RBM26: variants seen among roughly 807,000 people sequenced by gnomAD.
RBM26 encodes RNA binding motif protein 26, also known as RNA-binding protein 26.
A neutral mutation model predicts 123.6 loss-of-function variants in RBM26; 30 were observed. The observed-to-expected ratio is 0.24, with a 90% confidence interval of 0.18 to 0.33. The LOEUF is 0.33. Among genes scored for constraint, RBM26 ranks in the 10% least tolerant of loss-of-function variants. The probability of loss-of-function intolerance (pLI) is 1.00; values close to 1 mark genes in which losing one functional copy is unlikely to be tolerated. For missense variants in RBM26, 947 were observed against 1,203.6 expected, an observed-to-expected ratio of 0.79 and a Z score of 3.15; for synonymous variants, 400 against 404.4, an observed-to-expected ratio of 0.99 and a Z score of 0.13.
chr13:79,364,508 G>T (rs942501729), intron 9 of RBM26, among the ~76,000 whole-genome samples: 2 of 152,172 alleles, frequency 1.3e-5, no homozygotes, highest in African/African-American at 4.8e-5. Context: ...AATTGAGGTG[G>T]TTAGGGAAAA....
chr13:79,402,634 A>T (rs2079147638), intron 1 of RBM26, among the ~76,000 whole-genome samples: 1 of 151,946 alleles, frequency 6.6e-6, no homozygotes, highest in Non-Finnish European at 1.5e-5. Flanking sequence ...TTCCTCCAAC[A>T]TATCTTTTTT....
At chr13:79,317,728 C>T (rs2067279048), downstream of RBM26, among the ~76,000 whole-genome samples, 1 of 151,698 alleles carries the variant, frequency 6.6e-6, no homozygotes, top group Admixed American at 6.6e-5. Context: ...TATGTGTATA[C>T]CTCCATCAGT....
At chr13:79,316,192 G>GGTGTGTGTGTGTGT (rs3064578), downstream of RBM26, among the ~76,000 whole-genome samples, 3,149 of 142,036 alleles carry the variant, frequency 0.022, 61 homozygotes, top group South Asian at 0.05. Flanking sequence ...AAGTGGGGCA[G>GGTGTGTGTGTGTGT]GTGTGTGTGT....
intron 11 of RBM26, among the ~76,000 whole-genome samples, chr13:79,355,981 C>T (rs577743307): frequency 1.9e-4 from 29 of 152,322 alleles, no homozygotes; most frequent in Middle Eastern, 3.4e-3. Context: ...AGACTTTTCA[C>T]TTCAAATTCC....
chr13:79,403,930 C>T (rs1013248891), intron 1 of RBM26, among the ~76,000 whole-genome samples: 4 of 152,132 alleles, frequency 2.6e-5, no homozygotes, highest in Non-Finnish European at 5.9e-5. Flanking sequence ...TCTCTTTTGC[C>T]ATACACTTGT....
chr13:79,337,827 C>T (rs2070704817), intron 18 of RBM26, among the ~76,000 whole-genome samples: 2 of 152,156 alleles, frequency 1.3e-5, no homozygotes, highest in African/African-American at 4.8e-5. Context: ...GATGATAGCA[C>T]ACCACTCCTT....
intron 1 of RBM26, among the ~76,000 whole-genome samples, chr13:79,393,563 C>A (rs189015172): frequency 6.6e-6 from 1 of 152,326 alleles, no homozygotes; most frequent in Admixed American, 6.5e-5. Flanking sequence ...ACATTCCCTA[C>A]TTGTAAGAGA....
chr13:79,403,036 C>G (rs1466301725), intron 1 of RBM26, among the ~76,000 whole-genome samples: 1 of 151,970 alleles, frequency 6.6e-6, no homozygotes, highest in Non-Finnish European at 1.5e-5. Flanking sequence ...TACCCTTGGT[C>G]CTCTGTATGT....
At chr13:79,334,464 A>G in intron 19 of RBM26, 34 bp from the exon 20 acceptor site, 3 of 1,153,830 alleles carry the variant, frequency 2.6e-6, no homozygotes, top group Non-Finnish European at 3.7e-6. Flanking sequence ...TCCTCCAAAT[A>G]AATATTTTGA....
chr13:79,382,942 T>G (rs2077176533), intron 1 of RBM26, among the ~76,000 whole-genome samples: 1 of 1,216 alleles, frequency 8.2e-4, no homozygotes, highest in Non-Finnish European at 2.4e-3. Context: ...AACTGAAATG[T>G]CAGAGAGAAC....
At chr13:79,382,166 G>A (rs967125726) in intron 1 of RBM26, among the ~76,000 whole-genome samples, 6 of 151,954 alleles carry the variant, frequency 3.9e-5, no homozygotes, top group African/African-American at 1.4e-4. Flanking sequence ...TTCTAGTGAT[G>A]ATGTTATGCA....
At chr13:79,401,951 A>G (rs999943192) in intron 1 of RBM26, among the ~76,000 whole-genome samples, 1 of 151,930 alleles carries the variant, frequency 6.6e-6, no homozygotes. Flanking sequence ...TCAGTACGTC[A>G]TTACATCCAC....
chr13:79,317,584 G>C (rs533621797), downstream of RBM26, among the ~76,000 whole-genome samples: 2 of 151,762 alleles, frequency 1.3e-5, no homozygotes, highest in Admixed American at 1.3e-4. Flanking sequence ...GGACTAGACT[G>C]GTGGCTCTTA....
chr13:79,348,794 TGAGAA>T lies in RBM26; in HGVS notation c.2059-4005_2059-4001del, dbSNP rs539980143. ...TCTGTATCAAACCTGAGAATTCTGG[TGAGAA>T]GAATGGGATTTTGGTTTAAAGTTAA... On this transcript the variant is annotated intron_variant, in intron 14 of 21. Coordinates refer to ENST00000438737, the MANE Select transcript of RBM26 (RefSeq NM_001366735.2). 2.6e-3 allele frequency among the ~76,000 whole-genome samples: 392 copies of T among 152,314 alleles called. 2 individuals are homozygous for T. Among genetic ancestry groups the T allele is most frequent in the African/African-American group, 8.5e-3 (354 of 41,582 alleles).
At chr13:79,353,311 T>C in intron 13 of RBM26, 87 bp from the exon 14 acceptor site, 5 of 753,298 alleles carry the variant, frequency 6.6e-6, no homozygotes, top group South Asian at 1.7e-5. Flanking sequence ...TCTACTAATA[T>C]ATACAGAGTC....
At chr13:79,395,960 G>T (rs139428971) in intron 1 of RBM26, among the ~76,000 whole-genome samples, 1 of 151,942 alleles carries the variant, frequency 6.6e-6, no homozygotes. Flanking sequence ...TTCCAAAACC[G>T]ATGAAAGACC....
intron 20 of RBM26, among the ~76,000 whole-genome samples, chr13:79,330,082 G>A (rs1476769967): frequency 6.6e-6 from 1 of 152,178 alleles, no homozygotes; most frequent in Admixed American, 6.5e-5. Flanking sequence ...AACTGTTGAA[G>A]CTCAATGATG....
At chr13:79,395,683 C>T (rs941891133) in intron 1 of RBM26, among the ~76,000 whole-genome samples, 9 of 151,948 alleles carry the variant, frequency 5.9e-5, no homozygotes, top group Non-Finnish European at 1.0e-4. Context: ...AGGTCCAGTC[C>T]GCAATGAGCT....
At chr13:79,367,417 AAAAAAAAAAAAAAAAG>A (rs1364099496) in intron 6 of RBM26, among the ~76,000 whole-genome samples, 5 of 109,698 alleles carry the variant, frequency 4.6e-5, no homozygotes, top group Non-Finnish European at 9.3e-5. Context: ...AAAAAAAAAA[AAAAAAAAAAAAAAAAG>A]AAGAAGAAGA....
Sources: allele counts gnomAD v4.1 joint callset (sites outside exome capture counted in the v4.1 genomes callset), GRCh38; gene constraint gnomAD v4.1.1; transcripts MANE v1.5; gene names NCBI Gene and HGNC (gene_info 2026-07-23, HGNC 2026-07-21).